Variants in SSX2IP observed in about 807,000 individuals in gnomAD.
SSX2IP encodes the protein afadin- and alpha-actinin-binding protein.
SSX2IP carries 55 observed loss-of-function variants against 84.9 expected under a neutral mutation model. The ratio of observed to expected loss-of-function variants is 0.65; its 90% CI spans 0.52 to 0.81. The LOEUF (loss-of-function observed/expected upper bound fraction) is 0.81. Ranked by LOEUF, SSX2IP falls within the 30% of genes least tolerant of loss-of-function variation. SSX2IP has a pLI of 0.00. For missense variants in SSX2IP, 664 were observed against 705.2 expected (o/e 0.94, Z 0.66); for synonymous variants, 239 against 234.7 (o/e 1.02, Z -0.17).
In SSX2IP at chr1:84,690,367, T is replaced by A. The variant is rs1354220944; in HGVS notation, c.-90+4A>T. 1 of 144,600 alleles carries A rather than the reference T, an allele frequency of 6.9e-6. No individual in the cohort carries two copies. The highest frequency in any genetic ancestry group is 1.5e-5 in the Non-Finnish European group (1 of 66,500). 9.0% of individuals were successfully genotyped at this position (144,600 alleles called of 1,614,324 possible). ...AATCCCCGACGCGAGGCGCTGCTGCTCACCGTCACGGCCCCCGGGAGCGGC... is the reference window on the plus strand; with the variant it reads ...AATCCCCGACGCGAGGCGCTGCTGCACACCGTCACGGCCCCCGGGAGCGGC... On this transcript the variant is annotated splice_donor_region_variant and intron_variant, in intron 1 of 13. Coordinates refer to ENST00000342203, the MANE Select transcript of SSX2IP (RefSeq NM_001166293.2).
At chr1:84,651,769 G>C (rs1448492611) in intron 12 of SSX2IP, 114 bp downstream of exon 12, 2 of 641,240 alleles carry the variant, frequency 3.1e-6, no homozygotes, top group Non-Finnish European at 5.2e-6. Context: ...TATAATTAGA[G>C]AGCTCTAATT....
intron 11 of SSX2IP, among the ~76,000 whole-genome samples, chr1:84,653,038 A>T (rs1650544436): frequency 6.6e-6 from 1 of 152,212 alleles, no homozygotes; most frequent in African/African-American, 2.4e-5. Flanking sequence ...TCTCAAAAAA[A>T]AACAAAAACA....
chr1:84,687,871 G>A (rs940763415), intron 1 of SSX2IP, among the ~76,000 whole-genome samples: 13 of 152,138 alleles, frequency 8.5e-5, no homozygotes, highest in Admixed American at 2.0e-4. Flanking sequence ...TAACTCAACT[G>A]TACACTGCTG....
At chr1:84,684,831 TG>T (rs1655564752) in intron 1 of SSX2IP, among the ~76,000 whole-genome samples, 1 of 152,014 alleles carries the variant, frequency 6.6e-6, no homozygotes, top group African/African-American at 2.4e-5. Flanking sequence ...TATTATAAAA[TG>T]AAAAAATTTT....
intron 1 of SSX2IP, among the ~76,000 whole-genome samples, chr1:84,688,417 A>T (rs1570760672): frequency 6.6e-6 from 1 of 152,244 alleles, no homozygotes; most frequent in Admixed American, 6.5e-5. Context: ...AAAATAACTT[A>T]AAAATCTTTG....
chr1:84,656,583 T>C (rs1478912816), intron 9 of SSX2IP, 99 bp from the exon 10 acceptor site: 4 of 1,129,032 alleles, frequency 3.5e-6, no homozygotes, highest in Non-Finnish European at 4.7e-6. Context: ...AGAACTTTTA[T>C]CTTTCTAGAA....
At chr1:84,664,363 T>C (rs1652473196) in intron 6 of SSX2IP, 54 bp downstream of exon 6, 1 of 1,445,026 alleles carries the variant, frequency 6.9e-7, no homozygotes, top group Non-Finnish European at 9.1e-7. Context: ...CAATTATTTC[T>C]AAGCATAGTA....
At position 84,650,253 on chromosome 1, in the gene SSX2IP, C is replaced by G. The variant is rs1650023246; in HGVS notation, c.1670+109G>C. 2.7e-6 allele frequency: 3 copies of G among 1,106,896 alleles called. No homozygotes were observed. The South Asian group carries it at 3.9e-5, about 14-fold the overall frequency. The allele number at this position is 1,106,896 out of a possible 1,614,324, so 68.6% of individuals were successfully genotyped here. On this transcript the variant is annotated intron_variant, in intron 13 of 13. Transcript: ENST00000342203. Reference sequence around the variant, plus strand: ...TGAATAAATCATCTACTAAATTCCTCTCCAAAATCTCTATTGTTGCTAATA... The same window carrying G: ...TGAATAAATCATCTACTAAATTCCTGTCCAAAATCTCTATTGTTGCTAATA...
At chr1:84,658,272 T>A in intron 9 of SSX2IP, 46 bp downstream of exon 9, 1 of 1,607,232 alleles carries the variant, frequency 6.2e-7, no homozygotes, top group South Asian at 1.1e-5. Context: ...ATCAACACCT[T>A]ACCAAATGTC....
At position 84,647,505 on chromosome 1, in the gene SSX2IP, T is replaced by C; in HGVS notation, c.1773A>G (p.Ser591=). ...AGCATCCACTATAGCAACCTTCCTGTGATCCAGGTCTTGATGCCACACTCC... is the reference window on the plus strand; with the variant it reads ...AGCATCCACTATAGCAACCTTCCTGCGATCCAGGTCTTGATGCCACACTCC... ...QKWSVASRPG[S]QEGCYSGCSL... is the part of the protein sequence containing the mutation. The change falls in exon 14 of 14, where the codon TCA becomes TCG. Residue 591 remains serine (S), a synonymous_variant. Coordinates refer to ENST00000342203, the MANE Select transcript of SSX2IP (RefSeq NM_001166293.2). The C allele has an allele frequency of 6.2e-7, 1 of 1,613,370 alleles. No individual in the cohort carries two copies. Among genetic ancestry groups the C allele is most frequent in the Non-Finnish European group, 8.5e-7 (1 of 1,179,562 alleles).
intron 1 of SSX2IP, among the ~76,000 whole-genome samples, chr1:84,681,400 AAAG>A (rs1655061315): frequency 1.3e-5 from 2 of 152,230 alleles, no homozygotes; most frequent in Admixed American, 6.5e-5. Context: ...TAGCACAAAA[AAAG>A]AAGTTACAGG....
chr1:84,649,757 G>T, intron 13 of SSX2IP: 4 of 314,324 alleles, frequency 1.3e-5, no homozygotes, highest in South Asian at 2.8e-5. Flanking sequence ...CTTGGAATTG[G>T]CACTGAAGCA....
chr1:84,661,854 T>C (rs1652027994), intron 8 of SSX2IP, among the ~76,000 whole-genome samples: 1 of 152,188 alleles, frequency 6.6e-6, no homozygotes, highest in African/African-American at 2.4e-5. Flanking sequence ...TCCTTATCTA[T>C]AAAATGGGGA....
Position 84,655,873 on chromosome 1 carries a change from T to C in SSX2IP, c.1348A>G (p.Arg450Gly). 2.5e-6 allele frequency: 4 copies of C among 1,613,970 alleles called. No individual in the cohort carries two copies. The highest frequency in any genetic ancestry group is 3.4e-6 in the Non-Finnish European group (4 of 1,179,914). The change falls in exon 11 of 14, where the codon AGA becomes GGA. Residue 450 changes from arginine (R) to glycine (G), a missense_variant. Physicochemically the swap from Arg to Gly is moderately radical, Grantham distance 125. Coordinates refer to ENST00000342203, the MANE Select transcript of SSX2IP (RefSeq NM_001166293.2). ...KEQKKNFERE[R>G]RSFTEAAIRL... ...ATAGCGGCTTCTGTAAAGCTTCGTCTCTCCCTCTCAAAATTCTTTTTCTGC... is the reference window on the plus strand; with the variant it reads ...ATAGCGGCTTCTGTAAAGCTTCGTCCCTCCCTCTCAAAATTCTTTTTCTGC...
chr1:84,650,000 T>C, intron 13 of SSX2IP: 7 of 626,128 alleles, frequency 1.1e-5, no homozygotes, highest in South Asian at 1.0e-4. Context: ...AGATATGTAC[T>C]CTACAAAAAC....
intron 9 of SSX2IP, among the ~76,000 whole-genome samples, chr1:84,657,006 A>G (rs1651211928): frequency 6.6e-6 from 1 of 152,192 alleles, no homozygotes; most frequent in Non-Finnish European, 1.5e-5. Context: ...ACTCAAATGA[A>G]CAAAATCTCA....
Position 84,660,781 on chromosome 1 carries a change from A to T in SSX2IP, c.927+1417T>A, listed in dbSNP as rs183510939. On this transcript the variant is annotated intron_variant, in intron 8 of 13. Coordinates refer to ENST00000342203, the MANE Select transcript of SSX2IP (RefSeq NM_001166293.2). Reference sequence around the variant, plus strand: ...ACTCTCTCTCAAAAAGGCCAGACGCAGTGGCTGACGCCTGTAATCCTAGCA... The same window carrying T: ...ACTCTCTCTCAAAAAGGCCAGACGCTGTGGCTGACGCCTGTAATCCTAGCA... 2.3e-4 allele frequency among the ~76,000 whole-genome samples: 35 copies of T among 150,928 alleles called. No individual in the cohort carries two copies. In the East Asian group the frequency reaches 5.9e-3, roughly 25 times the overall value.
intron 4 of SSX2IP, among the ~76,000 whole-genome samples, chr1:84,668,761 T>A (rs978550996): frequency 3.6e-4 from 55 of 152,142 alleles, no homozygotes; most frequent in African/African-American, 1.2e-3. Flanking sequence ...GGGTTTTTTT[T>A]ATTGTTTTCT....
rs762313379 is a variant in SSX2IP at position 84,650,365 on chromosome 1, T to C, written c.1667A>G (p.His556Arg). 8.1e-6 allele frequency: 13 copies of C among 1,614,072 alleles called. No homozygotes were observed. Among genetic ancestry groups the C allele is most frequent in the South Asian group, 1.1e-5 (1 of 91,088 alleles). Residue 556 changes from histidine to arginine, a missense_variant, in exon 13 of 14, where the codon CAT becomes CGT. His to Arg is a conservative substitution (Grantham distance 29). Transcript: ENST00000342203. ...FCQTRSCISE[H>R]SSINVLNITA... Reference sequence around the variant, plus strand: ...AAGATCACCTATAGACAAATACCTATGTTCAGATATGCAGGAACGTGTCTG... The same window carrying C: ...AAGATCACCTATAGACAAATACCTACGTTCAGATATGCAGGAACGTGTCTG...
Sources: gnomAD v4.1 joint callset for allele counts (sites outside exome capture counted in the v4.1 genomes callset) on GRCh38, gnomAD v4.1.1 for gene constraint, MANE v1.5 for transcripts, NCBI Gene and HGNC (gene_info 2026-07-23, HGNC 2026-07-21) for gene names.